Variants in TOLLIP observed in about 807,000 individuals in gnomAD.
TOLLIP encodes the protein toll-interacting protein.
A neutral mutation model predicts 33.5 loss-of-function variants in TOLLIP; 16 were observed. The observed-to-expected ratio is 0.48, with a 90% CI of 0.32 to 0.72. The LOEUF (loss-of-function observed/expected upper bound fraction) is 0.72, where lower values mean the gene tolerates loss of function less well. Among genes scored for constraint, TOLLIP ranks in the 30% least tolerant of loss-of-function variants. The probability of loss-of-function intolerance (pLI) is 0.03; values close to 1 mark genes in which losing one functional copy is unlikely to be tolerated. For synonymous variants in TOLLIP, 176 were observed against 163.7 expected (o/e 1.07, Z -0.57); for missense variants, 325 against 396.6 (o/e 0.82, Z 1.53).
chr11:1,295,133 G>A (rs1007639690), intron 2 of TOLLIP, among the ~76,000 whole-genome samples: 3 of 152,198 alleles, frequency 2.0e-5, no homozygotes, highest in Non-Finnish European at 2.9e-5. Flanking sequence ...TCTTACAGAC[G>A]GTTTTCGTGT....
chr11:1,288,448 C>T (rs191484187), intron 4 of TOLLIP, among the ~76,000 whole-genome samples, 176 bp downstream of exon 4: 16 of 152,348 alleles, frequency 1.1e-4, no homozygotes, highest in African/African-American at 3.8e-4. Context: ...CAGGGCAGCC[C>T]CTCTCTGCCA....
rs1361561507 is a variant in TOLLIP at position 1,277,328 on chromosome 11, G to A, written c.611-75C>T. 4.0e-6 allele frequency: 5 copies of A among 1,259,172 alleles called. No individual in the cohort carries two copies. The highest frequency in any genetic ancestry group is 1.5e-5 in the African/African-American group (1 of 66,650). The allele number at this position is 1,259,172 out of a possible 1,614,324, so 78.0% of individuals were successfully genotyped here. Reference sequence around the variant, plus strand: ...GCCACACTAGCTCCTGCTGAAGGAAGAAAACAACGCATCCCACCGGCCTCC... The same window carrying A: ...GCCACACTAGCTCCTGCTGAAGGAAAAAAACAACGCATCCCACCGGCCTCC... On this transcript the variant is annotated intron_variant, in intron 5 of 5. Coordinates refer to ENST00000317204, the MANE Select transcript of TOLLIP (RefSeq NM_019009.4). The surrounding 1 kb of genome is among the most constrained non-coding windows in gnomAD (Gnocchi z 4.2).
At chr11:1,295,543 G>C in intron 2 of TOLLIP, 102 bp downstream of exon 2, 1 of 1,350,618 alleles carries the variant, frequency 7.4e-7, no homozygotes, top group Non-Finnish European at 9.9e-7. Flanking sequence ...CAGAAGTTCT[G>C]TTTGCCCGCT....
At chr11:1,306,622 C>T (rs1864430013) in intron 1 of TOLLIP, among the ~76,000 whole-genome samples, 1 of 152,108 alleles carries the variant, frequency 6.6e-6, no homozygotes, top group Non-Finnish European at 1.5e-5. Flanking sequence ...GGGTAAAGGC[C>T]CACTATGGGT....
chr11:1,293,925 G>A (rs567306419), intron 2 of TOLLIP, among the ~76,000 whole-genome samples: 1 of 152,378 alleles, frequency 6.6e-6, no homozygotes, highest in South Asian at 2.1e-4. Context: ...CACAAGCAAG[G>A]GTCTGAGACA....
In TOLLIP at chr11:1,290,548, C is replaced by G; in HGVS notation, c.184-139G>C. The G allele has an allele frequency of 2.7e-6, 2 of 744,338 alleles. No homozygotes were observed. The highest frequency in any genetic ancestry group is 4.4e-6 in the Non-Finnish European group (2 of 456,066). The allele number at this position is 744,338 out of a possible 1,614,324, so 46.1% of individuals were successfully genotyped here. A position where few individuals can be genotyped will look rare whatever the true frequency, so the allele number is the denominator to read the frequency against. On this transcript the variant is annotated intron_variant, in intron 2 of 5. Coordinates refer to ENST00000317204, the MANE Select transcript of TOLLIP (RefSeq NM_019009.4). The surrounding 1 kb of genome is among the most constrained non-coding windows in gnomAD (Gnocchi z 4.9). ...CTACAGCCACTCAGAGTCGCCTGAA[C>G]ACGGCTGTGACCTGCTTCCCAGGAG...
chr11:1,309,151 C>T (rs2133939725), intron 1 of TOLLIP, among the ~76,000 whole-genome samples: 1 of 152,240 alleles, frequency 6.6e-6, no homozygotes, highest in East Asian at 1.9e-4. Context: ...CTCTGGGGCA[C>T]CATGGGGCAC....
Position 1,274,481 on chromosome 11 carries a change from T to C in TOLLIP, c.*2558A>G, listed in dbSNP as rs1190996153. On this transcript the variant is annotated 3_prime_UTR_variant, in exon 6 of 6. Coordinates refer to ENST00000317204, the MANE Select transcript of TOLLIP (RefSeq NM_019009.4). ...TACAATCAAAGAAAAATCTGGACAATGGACCCCAGTAAAATAATCAGAAGC... is the reference window on the plus strand; with the variant it reads ...TACAATCAAAGAAAAATCTGGACAACGGACCCCAGTAAAATAATCAGAAGC... 6.6e-6 allele frequency: 1 copy of C among 152,124 alleles called. No individual in the cohort carries two copies. Among genetic ancestry groups the C allele is most frequent in the African/African-American group, 2.4e-5 (1 of 41,422 alleles). 9.4% of individuals were successfully genotyped at this position (152,124 alleles called of 1,614,324 possible).
In TOLLIP at chr11:1,274,529, C is replaced by G. The variant is rs1345272893; in HGVS notation, c.*2510G>C. 1 of 152,190 alleles carries G rather than the reference C, an allele frequency of 6.6e-6. No individual in the cohort carries two copies. Among genetic ancestry groups the G allele is most frequent in the Non-Finnish European group, 1.5e-5 (1 of 68,046 alleles). The allele number at this position is 152,190 out of a possible 1,614,324, so 9.4% of individuals were successfully genotyped here. ...AGCGCACGTTCTGAGACCACTCCTG[C>G]CTGGCACCCTGCAGGGTAGCGCCCA... On this transcript the variant is annotated 3_prime_UTR_variant, in exon 6 of 6. Coordinates refer to ENST00000317204, the MANE Select transcript of TOLLIP (RefSeq NM_019009.4).
chr11:1,279,386 G>A (rs1319674550), intron 5 of TOLLIP, among the ~76,000 whole-genome samples: 1 of 152,242 alleles, frequency 6.6e-6, no homozygotes, highest in African/African-American at 2.4e-5. Context: ...TACCAAGCAC[G>A]GATGTGTCCA....
chr11:1,286,057 G>A lies in TOLLIP; in HGVS notation c.555C>T (p.Pro185=), dbSNP rs748996297. ...GGTACACTGTTGGCATCAGGACCACGGGCTGGGGTGGCATCACCATGGCAG... is the reference window on the plus strand; with the variant it reads ...GGTACACTGTTGGCATCAGGACCACAGGCTGGGGTGGCATCACCATGGCAG... The part of the protein sequence containing the change: ...LPAAMVMPPQ[P]VVLMPTVYQQ... The change falls in exon 5 of 6, where the codon CCC becomes CCT. Residue 185 remains proline (P), a synonymous_variant. Coordinates refer to ENST00000317204, the MANE Select transcript of TOLLIP (RefSeq NM_019009.4). 44 of 1,600,132 alleles carry A rather than the reference G, an allele frequency of 2.7e-5. No homozygotes were observed. The highest frequency in any genetic ancestry group is 4.0e-5 in the African/African-American group (3 of 74,888).
chr11:1,306,324 A>T (rs1864421695), intron 1 of TOLLIP: 1 of 151,342 alleles, frequency 6.6e-6, no homozygotes, highest in Non-Finnish European at 1.5e-5. Flanking sequence ...GGACAAAAGA[A>T]CCCTCCCAGG....
intron 2 of TOLLIP, 48 bp downstream of exon 2, chr11:1,295,597 A>C (rs768971463): frequency 6.9e-7 from 1 of 1,452,630 alleles, no homozygotes; most frequent in East Asian, 2.4e-5. Flanking sequence ...TCCCACCCCC[A>C]CCGAGCGCAC....
Position 1,309,481 on chromosome 11 carries a change from G to A in TOLLIP, c.18C>T (p.Ser6=), listed in dbSNP as rs1252025422. 3.0e-6 allele frequency: 4 copies of A among 1,341,190 alleles called. No homozygotes were observed. Among genetic ancestry groups the A allele is most frequent in the Middle Eastern group, 5.6e-4 (2 of 3,590 alleles). 83.1% of individuals were successfully genotyped at this position (1,341,190 alleles called of 1,614,324 possible). A position where few individuals can be genotyped will look rare whatever the true frequency, so the allele number is the denominator to read the frequency against. The stretch of plus-strand genomic sequence containing the variant: ...GCTGCCTCACCGGCCCGCGCTGAGT[G>A]CTGACGGTGGTCGCCATGGTGCTGC... MATTV[S]TQRGPVYIGE... Residue 6 remains serine, a synonymous_variant, in exon 1 of 6, where the codon AGC becomes AGT. Coordinates refer to ENST00000317204, the MANE Select transcript of TOLLIP (RefSeq NM_019009.4).
intron 2 of TOLLIP, chr11:1,291,076 G>A (rs1863920024): frequency 6.6e-6 from 1 of 152,530 alleles, no homozygotes; most frequent in Non-Finnish European, 1.5e-5. Context: ...AGGTCCTCGG[G>A]GTGGGAGTGA....
At position 1,277,133 on chromosome 11, in the gene TOLLIP, A is replaced by G; in HGVS notation, c.731T>C (p.Met244Thr). The G allele has an allele frequency of 6.2e-7, 1 of 1,614,028 alleles. No individual in the cohort carries two copies. Reference protein sequence around the residue: ...LKAIQDMFPNMDQEVIRSVLE... With the variant: ...LKAIQDMFPNTDQEVIRSVLE... ...CACGGAGCGGATCACCTCCTGGTCC[A>G]TGTTGGGGAACATGTCCTGGATGGC... Residue 244 changes from methionine (M) to threonine (T), a missense_variant, in exon 6 of 6, where the codon ATG becomes ACG. Transcript: ENST00000317204. This position sits in a 1 kb window ranked among gnomAD's most constrained non-coding sequence, Gnocchi z 4.2.
intron 1 of TOLLIP, among the ~76,000 whole-genome samples, chr11:1,308,011 C>T (rs370840264): frequency 1.6e-4 from 24 of 152,304 alleles, no homozygotes; most frequent in East Asian, 5.8e-4. Context: ...TACTGGGCTG[C>T]GCGAGGGCAG....
At position 1,303,728 on chromosome 11, in the gene TOLLIP, TAG is replaced by T. The variant is rs1184588347; in HGVS notation, c.33+5736_33+5737del. Reference sequence around the variant, plus strand: ...TGTCGGGCAGGTCAAGGGACAGTGTTAGAGGCCCAGATGAACAGAGGTTAGGG... The same window carrying T: ...TGTCGGGCAGGTCAAGGGACAGTGTTAGGCCCAGATGAACAGAGGTTAGGG... On this transcript the variant is annotated intron_variant, in intron 1 of 5. Coordinates refer to ENST00000317204, the MANE Select transcript of TOLLIP (RefSeq NM_019009.4). This position sits in a 1 kb window ranked among gnomAD's most constrained non-coding sequence, Gnocchi z 4.2. 6.6e-6 allele frequency among the ~76,000 whole-genome samples: 1 copy of T among 152,132 alleles called. No individual in the cohort carries two copies. The highest frequency in any genetic ancestry group is 1.5e-5 in the Non-Finnish European group (1 of 68,006).
chr11:1,285,852 G>A (rs1039077395), intron 5 of TOLLIP, 150 bp downstream of exon 5: 25 of 461,146 alleles, frequency 5.4e-5, no homozygotes, highest in Non-Finnish European at 8.2e-5. Context: ...TGGCCTGAAA[G>A]GATCTGTGTG....
Sources: gnomAD v4.1 joint callset for allele counts (sites outside exome capture counted in the v4.1 genomes callset) on GRCh38, gnomAD v4.1.1 for gene constraint, Gnocchi (gnomAD v3.1) non-coding constraint, MANE v1.5 for transcripts, NCBI Gene and HGNC (gene_info 2026-07-23, HGNC 2026-07-21) for gene names.